HS2ST1: variants seen among roughly 807,000 people sequenced by gnomAD.
HS2ST1 encodes heparan sulfate 2-O-sulfotransferase 1, also known as 2-O-sulfotransferase.
HS2ST1 carries 18 observed loss-of-function variants against 42.9 expected under a neutral mutation model. The ratio of observed to expected loss-of-function variants is 0.42; its 90% CI spans 0.29 to 0.62. The LOEUF (loss-of-function observed/expected upper bound fraction) is 0.62. Ranked by LOEUF, HS2ST1 falls within the 20% of genes least tolerant of loss-of-function variation. The pLI is 0.21. For missense variants in HS2ST1, 334 were observed against 433.8 expected (o/e 0.77, Z 2.04); for synonymous variants, 146 against 152.9 (o/e 0.95, Z 0.33).
chr1:87,073,581 T>C (rs1313144880), intron 2 of HS2ST1, among the ~76,000 whole-genome samples: 1 of 152,160 alleles, frequency 6.6e-6, no homozygotes, highest in Non-Finnish European at 1.5e-5. Flanking sequence ...GAGATAGAGA[T>C]AGATACAGAG....
chr1:87,102,012 G>A (rs1022868324), intron 5 of HS2ST1, among the ~76,000 whole-genome samples: 24 of 152,264 alleles, frequency 1.6e-4, no homozygotes, highest in African/African-American at 5.8e-4. Flanking sequence ...TATGGCAAGA[G>A]TGGGAGAAAG....
intron 1 of HS2ST1, among the ~76,000 whole-genome samples, chr1:86,981,141 G>A (rs997410547): frequency 3.9e-5 from 6 of 152,146 alleles, no homozygotes; most frequent in African/African-American, 1.4e-4. Context: ...GATCATGTGA[G>A]AACTCACTAT....
At chr1:86,950,783 T>C (rs1444081569) in intron 1 of HS2ST1, among the ~76,000 whole-genome samples, 1 of 152,226 alleles carries the variant, frequency 6.6e-6, no homozygotes, top group Non-Finnish European at 1.5e-5. Context: ...GAAGGAAGAA[T>C]GTACTTCATT....
chr1:86,925,033 T>C (rs1422558566), intron 1 of HS2ST1, among the ~76,000 whole-genome samples: 1 of 152,268 alleles, frequency 6.6e-6, no homozygotes, highest in Non-Finnish European at 1.5e-5. Context: ...CCAAGTCATC[T>C]CTTGAATGCT....
chr1:86,932,731 CAGA>C (rs1660570234), intron 1 of HS2ST1, among the ~76,000 whole-genome samples: 1 of 152,038 alleles, frequency 6.6e-6, no homozygotes. Flanking sequence ...GGGGAGGAGA[CAGA>C]AGAAGGCAGG....
intron 1 of HS2ST1, among the ~76,000 whole-genome samples, chr1:87,031,356 T>A (rs1650233451): frequency 6.6e-6 from 1 of 152,220 alleles, no homozygotes; most frequent in Non-Finnish European, 1.5e-5. Context: ...AACTCAGATA[T>A]ACATGTTTTC....
chr1:87,017,206 G>A (rs1379169068), intron 1 of HS2ST1, among the ~76,000 whole-genome samples: 1 of 151,894 alleles, frequency 6.6e-6, no homozygotes, highest in Non-Finnish European at 1.5e-5. Flanking sequence ...GTGCCATCTC[G>A]GCTCACTGCA....
intron 1 of HS2ST1, among the ~76,000 whole-genome samples, chr1:86,982,479 A>G (rs1191768723): frequency 2.0e-5 from 3 of 152,178 alleles, no homozygotes; most frequent in Non-Finnish European, 4.4e-5. Flanking sequence ...CTTTGTGAAC[A>G]ATATGACTGA....
chr1:86,952,933 T>C (rs1647566958), intron 1 of HS2ST1, among the ~76,000 whole-genome samples: 1 of 152,232 alleles, frequency 6.6e-6, no homozygotes, highest in Non-Finnish European at 1.5e-5. Context: ...AGCTTGTTCT[T>C]CGAAGGCAGG....
chr1:87,048,628 T>C (rs1650755511), intron 1 of HS2ST1, among the ~76,000 whole-genome samples: 1 of 151,590 alleles, frequency 6.6e-6, no homozygotes, highest in Non-Finnish European at 1.5e-5. Context: ...GAGATTTTTA[T>C]CATGCTTCTA....
Position 87,104,923 on chromosome 1 carries a change from T to C in HS2ST1, c.*227T>C, listed in dbSNP as rs755325465. Reference sequence around the variant, plus strand: ...CCTGGCTAAACGTTGGTGAAAGTTATAACCTCCTGCCTGGGAGAAAATATA... The same window carrying C: ...CCTGGCTAAACGTTGGTGAAAGTTACAACCTCCTGCCTGGGAGAAAATATA... On this transcript the variant is annotated 3_prime_UTR_variant, in exon 7 of 7. Transcript: ENST00000370550. 2.2e-6 allele frequency: 1 copy of C among 461,692 alleles called. No homozygotes were observed. The highest frequency in any genetic ancestry group is 3.8e-6 in the Non-Finnish European group (1 of 260,814). 28.6% of individuals were successfully genotyped at this position (461,692 alleles called of 1,614,324 possible). A position where few individuals can be genotyped will look rare whatever the true frequency, so the allele number is the denominator to read the frequency against.
intron 2 of HS2ST1, among the ~76,000 whole-genome samples, chr1:87,074,053 A>G (rs1381087165): frequency 1.3e-5 from 2 of 152,196 alleles, no homozygotes; most frequent in East Asian, 3.9e-4. Context: ...TAATCCTTAC[A>G]CTTAAACAAG....
At chr1:86,919,462 T>C (rs557505890) in intron 1 of HS2ST1, among the ~76,000 whole-genome samples, 1 of 152,354 alleles carries the variant, frequency 6.6e-6, no homozygotes, top group African/African-American at 2.4e-5. Flanking sequence ...CTTTAAACCA[T>C]TTGTATGTTT....
At position 87,037,993 on chromosome 1, in the gene HS2ST1, T is replaced by G. The variant is rs528860150; in HGVS notation, c.125-34941T>G. ...TTCTAGTAGGTGCCTAGAAATAAAA[T>G]TGCATGGCATATGACAGTGAAAATC... On this transcript the variant is annotated intron_variant, in intron 1 of 6. Coordinates refer to ENST00000370550, the MANE Select transcript of HS2ST1 (RefSeq NM_012262.4). 3.3e-5 allele frequency among the ~76,000 whole-genome samples: 5 copies of G among 152,178 alleles called. No individual in the cohort carries two copies. In the East Asian group the frequency reaches 9.6e-4, roughly 29 times the overall value.
At chr1:87,049,984 A>G (rs1402065809) in intron 1 of HS2ST1, among the ~76,000 whole-genome samples, 2 of 152,052 alleles carry the variant, frequency 1.3e-5, no homozygotes, top group African/African-American at 2.4e-5. Flanking sequence ...TGACCCCTTT[A>G]TCATTATGAA....
chr1:87,011,887 A>G (rs1157255348), intron 1 of HS2ST1, among the ~76,000 whole-genome samples: 1 of 152,242 alleles, frequency 6.6e-6, no homozygotes, highest in Non-Finnish European at 1.5e-5. Context: ...TGGAAGTAGC[A>G]TAGCTAGGAC....
intron 1 of HS2ST1, among the ~76,000 whole-genome samples, chr1:87,013,351 C>T (rs1054334268): frequency 6.6e-6 from 1 of 152,254 alleles, no homozygotes. Flanking sequence ...CACTTGTAAG[C>T]CACCAAGGCT....
chr1:87,031,188 G>A (rs997001732), intron 1 of HS2ST1, among the ~76,000 whole-genome samples: 1 of 152,008 alleles, frequency 6.6e-6, no homozygotes, highest in Non-Finnish European at 1.5e-5. Flanking sequence ...CAATCTGCCC[G>A]CCTCAGCCTC....
chr1:86,915,896 T>C (rs1660144376), intron 1 of HS2ST1, among the ~76,000 whole-genome samples: 1 of 152,154 alleles, frequency 6.6e-6, no homozygotes, highest in Admixed American at 6.5e-5. Context: ...GCAGTGTTGA[T>C]GTGAATTTCG....
Sources: allele counts gnomAD v4.1 joint callset (sites outside exome capture counted in the v4.1 genomes callset), GRCh38; gene constraint gnomAD v4.1.1; transcripts MANE v1.5; gene names NCBI Gene and HGNC (gene_info 2026-07-23, HGNC 2026-07-21).